Variants in JAKMIP1 observed in about 807,000 individuals in gnomAD.
The protein encoded by JAKMIP1 is janus kinase and microtubule interacting protein 1.
A neutral mutation model predicts 113.0 loss-of-function variants in JAKMIP1; 33 were observed. The ratio of observed to expected loss-of-function variants is 0.29; its 90% CI spans 0.22 to 0.39. The LOEUF (loss-of-function observed/expected upper bound fraction) is 0.39. JAKMIP1 is among the 10% of genes least tolerant of loss of function. The pLI, the probability that JAKMIP1 is intolerant of heterozygous loss-of-function variation, is 1.00. For synonymous variants in JAKMIP1, 480 were observed against 459.9 expected (o/e 1.04, Z -0.56); for missense variants, 813 against 1,080.5 (o/e 0.75, Z 3.47).
At chr4:6,036,945 C>CTGGTAG in intron 18 of JAKMIP1, among the ~76,000 whole-genome samples, 4 of 150,332 alleles carry the variant, frequency 2.7e-5, no homozygotes, top group African/African-American at 7.3e-5. Context: ...TAGAGGCTAA[C>CTGGTAG]CGGTATCCCT....
Position 6,051,850 on chromosome 4 carries a change from G to A in JAKMIP1, c.1807-1171C>T, listed in dbSNP as rs1438040601. On this transcript the variant is annotated intron_variant, in intron 13 of 20. Coordinates refer to ENST00000409021, the MANE Select transcript of JAKMIP1 (RefSeq NM_001099433.2). The surrounding 1 kb of genome is among the most constrained non-coding windows in gnomAD (Gnocchi z 5.0). ...CAGAATGGACTTTAAACACTTTAGC[G>A]ATGGACAGATTTGTCATGGTGGGGC... Among the ~76,000 whole-genome samples, 2 of 152,222 alleles carry A rather than the reference G, an allele frequency of 1.3e-5. No homozygotes were observed. Among genetic ancestry groups the A allele is most frequent in the African/African-American group, 4.8e-5 (2 of 41,462 alleles).
At chr4:6,087,642 T>G (rs1293640474) in intron 3 of JAKMIP1, among the ~76,000 whole-genome samples, 1 of 152,178 alleles carries the variant, frequency 6.6e-6, no homozygotes, top group African/African-American at 2.4e-5. Context: ...TTCCATCACT[T>G]GCAACCAAAA....
At chr4:6,053,687 G>C in intron 13 of JAKMIP1, 1 of 767,318 alleles carries the variant, frequency 1.3e-6, no homozygotes, top group Non-Finnish European at 1.7e-6. Flanking sequence ...TGCAGAATGC[G>C]TACCCGGTGA....
chr4:6,108,556 T>TCATC lies in JAKMIP1; in HGVS notation c.130-2593_130-2590dup, dbSNP rs1241370242. Among the ~76,000 whole-genome samples the TCATC allele has an allele frequency of 6.6e-6, 1 of 152,062 alleles. No individual in the cohort carries two copies. The highest frequency in any genetic ancestry group is 1.5e-5 in the Non-Finnish European group (1 of 68,012). Reference sequence around the variant, plus strand: ...GATTCACCCCTTTCCATCCTCATCCTCATCCAATCCAGCAGCACTGGCTCT... The same window carrying TCATC: ...GATTCACCCCTTTCCATCCTCATCCTCATCCATCCAATCCAGCAGCACTGGCTCT... On this transcript the variant is annotated intron_variant, in intron 2 of 20. Transcript: ENST00000409021. This position sits in a 1 kb window ranked among gnomAD's most constrained non-coding sequence, Gnocchi z 5.6.
chr4:6,152,917 G>A (rs1307166657), intron 1 of JAKMIP1, among the ~76,000 whole-genome samples: 1 of 151,474 alleles, frequency 6.6e-6, no homozygotes. Context: ...GTTGCAGTGA[G>A]CCAAGATCAC....
At chr4:6,196,224 T>C (rs1336573012) in intron 1 of JAKMIP1, among the ~76,000 whole-genome samples, 1 of 152,058 alleles carries the variant, frequency 6.6e-6, no homozygotes, top group African/African-American at 2.4e-5. Context: ...GCAAAAACCG[T>C]GATTATTTTT....
rs1445069563 is a variant in JAKMIP1, at chr4:6,044,052, C to T, written c.2029-1825G>A. Among the ~76,000 whole-genome samples, 1 of 152,060 alleles carries T rather than the reference C, an allele frequency of 6.6e-6. No individual in the cohort carries two copies. The highest frequency in any genetic ancestry group is 1.5e-5 in the Non-Finnish European group (1 of 68,006). On this transcript the variant is annotated intron_variant, in intron 16 of 20. Coordinates refer to ENST00000409021, the MANE Select transcript of JAKMIP1 (RefSeq NM_001099433.2). The surrounding 1 kb of genome is among the most constrained non-coding windows in gnomAD (Gnocchi z 4.4). The stretch of plus-strand genomic sequence containing the variant: ...CCCCAGGCCTTTAACAAGCTAGCAT[C>T]ACTCAGTCTTCAGGCCCTGAGCTAG...
chr4:6,092,355 T>A (rs1283350673), intron 3 of JAKMIP1, among the ~76,000 whole-genome samples: 1 of 152,156 alleles, frequency 6.6e-6, no homozygotes, highest in African/African-American at 2.4e-5. Context: ...AATGAGACAC[T>A]GGGCGAAGAA....
At chr4:6,110,138 T>C (rs767782406) in intron 2 of JAKMIP1, among the ~76,000 whole-genome samples, 105 of 152,160 alleles carry the variant, frequency 6.9e-4, no homozygotes, top group Non-Finnish European at 1.4e-3. Flanking sequence ...AAATCATATG[T>C]TGAAGTCCTA....
Position 6,194,260 on chromosome 4 carries a change from T to C in JAKMIP1, c.-148+5993A>G, listed in dbSNP as rs897441272. Among the ~76,000 whole-genome samples the C allele has an allele frequency of 4.6e-5, 7 of 152,022 alleles. No individual in the cohort carries two copies. The highest frequency in any genetic ancestry group is 2.6e-4 in the Admixed American group (4 of 15,276). On this transcript the variant is annotated intron_variant, in intron 1 of 20. Transcript: ENST00000409021. The surrounding 1 kb of genome is among the most constrained non-coding windows in gnomAD (Gnocchi z 7.4). Reference sequence around the variant, plus strand: ...CGTGAATGCAGTAAATGCCACCGAATTGTACCATTGAAAACGGTTTACAGT... The same window carrying C: ...CGTGAATGCAGTAAATGCCACCGAACTGTACCATTGAAAACGGTTTACAGT...
chr4:6,085,897 C>G (rs1721223001), intron 3 of JAKMIP1, among the ~76,000 whole-genome samples: 1 of 152,192 alleles, frequency 6.6e-6, no homozygotes, highest in Admixed American at 6.5e-5. Flanking sequence ...AGTGTATGCT[C>G]CTGTCTCTCT....
rs549456814 is a variant in JAKMIP1 at position 6,081,015 on chromosome 4, C to CACACACAAA, written c.1101+593_1101+594insTTTGTGTGT. Among the ~76,000 whole-genome samples, 11 of 33,702 alleles carry CACACACAAA rather than the reference C, an allele frequency of 3.3e-4. 1 individual carries two copies. Among genetic ancestry groups the CACACACAAA allele is most frequent in the African/African-American group, 1.4e-3 (10 of 7,406 alleles). The allele number at this position is 33,702 out of a possible 152,430, so 22.1% of individuals were successfully genotyped here. A position where few individuals can be genotyped will look rare whatever the true frequency, so the allele number is the denominator to read the frequency against. The stretch of plus-strand genomic sequence containing the variant: ...CACACACACACACACACACACACAC[C>CACACACAAA]TGCATCTGCTACAGTGCAGACAGCA... On this transcript the variant is annotated intron_variant, in intron 6 of 20. Transcript: ENST00000409021. This position sits in a 1 kb window ranked among gnomAD's most constrained non-coding sequence, Gnocchi z 4.6.
At position 6,135,308 on chromosome 4, in the gene JAKMIP1, G is replaced by A. The variant is rs1719068282; in HGVS notation, c.-147-22311C>T. Among the ~76,000 whole-genome samples, 1 of 152,136 alleles carries A rather than the reference G, an allele frequency of 6.6e-6. No individual in the cohort carries two copies. The highest frequency in any genetic ancestry group is 6.5e-5 in the Admixed American group (1 of 15,268). On this transcript the variant is annotated intron_variant, in intron 1 of 20. Coordinates refer to ENST00000409021, the MANE Select transcript of JAKMIP1 (RefSeq NM_001099433.2). This position sits in a 1 kb window ranked among gnomAD's most constrained non-coding sequence, Gnocchi z 4.9. ...TGTCCTAACAATACGAGGAAAATAG[G>A]ACACAGACACATAGAAGGAAGACCA...
chr4:6,082,983 G>T (rs917338730), intron 5 of JAKMIP1, among the ~76,000 whole-genome samples: 3 of 151,706 alleles, frequency 2.0e-5, no homozygotes, highest in African/African-American at 7.3e-5. Context: ...ACAATACACA[G>T]CAGGGAAAAA....
At chr4:6,174,253 GC>G (rs1034371300) in intron 1 of JAKMIP1, among the ~76,000 whole-genome samples, 23 of 152,204 alleles carry the variant, frequency 1.5e-4, no homozygotes, top group African/African-American at 5.3e-4. Flanking sequence ...TAAACAGGAT[GC>G]AGCCAGGTCT....
At chr4:6,145,892 G>T (rs1467519942) in intron 1 of JAKMIP1, among the ~76,000 whole-genome samples, 1 of 152,064 alleles carries the variant, frequency 6.6e-6, no homozygotes, top group Non-Finnish European at 1.5e-5. Context: ...CCATCCTAAT[G>T]ACCTCAGTTT....
intron 12 of JAKMIP1, among the ~76,000 whole-genome samples, chr4:6,056,405 C>G (rs1383105204): frequency 6.6e-6 from 1 of 152,202 alleles, no homozygotes; most frequent in Non-Finnish European, 1.5e-5. Context: ...CAGCCCTCCC[C>G]ATTTCTGCAG....
intron 16 of JAKMIP1, among the ~76,000 whole-genome samples, chr4:6,048,234 G>A (rs962674810): frequency 1.3e-5 from 2 of 152,188 alleles, no homozygotes; most frequent in Non-Finnish European, 2.9e-5. Context: ...CAGGTAGGAG[G>A]GTATCTGGTG....
rs542536642 is a variant in JAKMIP1 at position 6,105,360 on chromosome 4, A to C, written c.624+113T>G. ...ACGGGAGGGAGGTTGCTGGGGCCCC[A>C]GTGCTTTGAACAATGCCTGGAGCAC... On this transcript the variant is annotated intron_variant, in intron 3 of 20. Coordinates refer to ENST00000409021, the MANE Select transcript of JAKMIP1 (RefSeq NM_001099433.2). 151 of 1,142,758 alleles carry C rather than the reference A, an allele frequency of 1.3e-4. No individual in the cohort carries two copies. In the African/African-American group the frequency reaches 2.2e-3, roughly 17 times the overall value. The allele number at this position is 1,142,758 out of a possible 1,614,324, so 70.8% of individuals were successfully genotyped here.
Sources: gnomAD v4.1 joint callset for allele counts (sites outside exome capture counted in the v4.1 genomes callset) on GRCh38, gnomAD v4.1.1 for gene constraint, Gnocchi (gnomAD v3.1) non-coding constraint, MANE v1.5 for transcripts, NCBI Gene and HGNC (gene_info 2026-07-23, HGNC 2026-07-21) for gene names.